NCBP2L: variants seen among roughly 807,000 people sequenced by gnomAD.
NCBP2L encodes the protein nuclear cap-binding protein subunit 2-like.
For synonymous variants in NCBP2L, 39 were observed against 19.2 expected (o/e 2.04, Z -2.70); for missense variants, 95 against 53.1 (o/e 1.79, Z -2.45).
Position 107,781,676 on chromosome X carries a change from A to ATC in NCBP2L, c.-73+3834_-73+3835dup, listed in dbSNP as rs1252852252. ...CATCTATCTATCTATCTATCTATCT[A>ATC]TCTCTCTCTCTCTCTCTATATATAT... On this transcript the variant is annotated intron_variant, in intron 1 of 1. Coordinates refer to ENST00000509000, the MANE Select transcript of NCBP2L (RefSeq NM_001348372.2). Among the ~76,000 whole-genome samples, 178 of 55,879 alleles carry ATC rather than the reference A, an allele frequency of 3.2e-3. 2 individuals are homozygous for ATC. The highest frequency in any genetic ancestry group is 4.1e-3 in the Non-Finnish European group (138 of 33,611). 48.5% of individuals were successfully genotyped at this position (55,879 alleles called of 115,157 possible). A position where few individuals can be genotyped will look rare whatever the true frequency, so the allele number is the denominator to read the frequency against.
chrX:107,786,519 G>A (rs1369718030), intron 1 of NCBP2L, among the ~76,000 whole-genome samples: 2 of 111,093 alleles, frequency 1.8e-5, no homozygotes, highest in Admixed American at 9.6e-5. Flanking sequence ...CTTTCCGGAG[G>A]CTCTCCAGAA....
intron 1 of NCBP2L, among the ~76,000 whole-genome samples, chrX:107,793,642 G>A (rs987899424): frequency 1.8e-5 from 2 of 111,890 alleles, no homozygotes; most frequent in African/African-American, 3.2e-5. Flanking sequence ...TTGTATATTT[G>A]ATGGTATATA....
chrX:107,781,690 C>CTA lies in NCBP2L; in HGVS notation c.-73+3833_-73+3834insAT, dbSNP rs1453303585. Among the ~76,000 whole-genome samples the CTA allele has an allele frequency of 3.7e-3, 275 of 74,217 alleles. 4 individuals carry two copies. Among genetic ancestry groups the CTA allele is most frequent in the Admixed American group, 8.4e-3 (58 of 6,926 alleles). 64.4% of individuals were successfully genotyped at this position (74,217 alleles called of 115,157 possible). ...TCTATCTATCTATCTCTCTCTCTCT[C>CTA]TCTATATATATATATATATAGATCT... is the stretch of plus-strand genomic sequence containing the variant. On this transcript the variant is annotated intron_variant, in intron 1 of 1. Coordinates refer to ENST00000509000, the MANE Select transcript of NCBP2L (RefSeq NM_001348372.2).
At chrX:107,788,090 G>C (rs550019874) in intron 1 of NCBP2L, among the ~76,000 whole-genome samples, 1 of 112,022 alleles carries the variant, frequency 8.9e-6, no homozygotes, top group East Asian at 2.8e-4. Context: ...AGTAGCAAGA[G>C]TCAAGGAAAG....
intron 1 of NCBP2L, among the ~76,000 whole-genome samples, chrX:107,785,794 G>T (rs771648684): frequency 3.6e-5 from 4 of 111,106 alleles, no homozygotes; most frequent in African/African-American, 1.3e-4. Context: ...GGCTACCAGG[G>T]TGTGGGAGTG....
At chrX:107,781,431 G>C (rs1224190956) in intron 1 of NCBP2L, among the ~76,000 whole-genome samples, 5 of 105,564 alleles carry the variant, frequency 4.7e-5, no homozygotes, top group African/African-American at 1.7e-4. Flanking sequence ...TCAGTGTCCC[G>C]AGTAGCTGGG....
At chrX:107,791,461 G>A (rs1209621696) in intron 1 of NCBP2L, among the ~76,000 whole-genome samples, 1 of 111,722 alleles carries the variant, frequency 9.0e-6, no homozygotes, top group Non-Finnish European at 1.9e-5. Context: ...GCCCAGGCTG[G>A]TCTTGAACTC....
rs749697881 is a variant in NCBP2L, at chrX:107,794,299, C to T, written c.79C>T (p.Arg27Cys). The T allele has an allele frequency of 1.2e-5, 7 of 567,656 alleles. No individual in the cohort carries two copies. The highest frequency in any genetic ancestry group is 4.5e-5 in the Admixed American group (2 of 44,848). The allele number at this position is 567,656 out of a possible 1,213,427, so 46.8% of individuals were successfully genotyped here. ...CTACCGGGACCATCAGTTCAGTGGC[C>T]GTAAATTTCAGCAGGAAAAATTACT... Reference protein sequence around the residue: ...SCYRDHQFSGRKFQQEKLLKE... With the variant: ...SCYRDHQFSGCKFQQEKLLKE... Residue 27 changes from arginine (R) to cysteine (C), a missense_variant, in exon 2 of 2, where the codon CGT becomes TGT. Physicochemically the swap from Arg to Cys is radical, Grantham distance 180 (BLOSUM62 -3). Transcript: ENST00000509000.
intron 1 of NCBP2L, among the ~76,000 whole-genome samples, chrX:107,782,181 A>T (rs745936125): frequency 3.3e-5 from 1 of 30,386 alleles, no homozygotes; most frequent in Non-Finnish European, 4.9e-5. Context: ...ATATATATAT[A>T]AATATATATA....
intron 1 of NCBP2L, among the ~76,000 whole-genome samples, chrX:107,783,654 T>C (rs1930358574): frequency 9.1e-6 from 1 of 109,825 alleles, no homozygotes; most frequent in South Asian, 3.9e-4. Flanking sequence ...ATTACAGACG[T>C]GAGCCACTGC....
intron 1 of NCBP2L, among the ~76,000 whole-genome samples, chrX:107,781,767 TCTATATATATAGATCTATAG>T (rs1930290381): frequency 2.2e-5 from 2 of 90,632 alleles, no homozygotes; most frequent in African/African-American, 9.0e-5. Context: ...TCTATAGATA[TCTATATATATAGATCTATAG>T]ATATCTATAT....
At chrX:107,784,970 C>A (rs1156377345) in intron 1 of NCBP2L, among the ~76,000 whole-genome samples, 1 of 99,894 alleles carries the variant, frequency 1.0e-5, no homozygotes, top group Non-Finnish European at 2.0e-5. Flanking sequence ...CAGAATGAGA[C>A]CTTGTCTCAA....
chrX:107,782,200 TATATATATAA>T lies in NCBP2L; in HGVS notation c.-73+4352_-73+4361del, dbSNP rs1309142323. On this transcript the variant is annotated intron_variant, in intron 1 of 1. Transcript: ENST00000509000. ...ATATATAAATATATATATATAAATA[TATATATATAA>T]ATATATATATAAATATATATATATA... Among the ~76,000 whole-genome samples, 35 of 20,534 alleles carry T rather than the reference TATATATATAA, an allele frequency of 1.7e-3. 1 individual carries two copies. Among genetic ancestry groups the T allele is most frequent in the African/African-American group, 4.5e-3 (24 of 5,389 alleles). The allele number at this position is 20,534 out of a possible 115,157, so 17.8% of individuals were successfully genotyped here.
chrX:107,792,341 CA>C (rs35382213), intron 1 of NCBP2L, among the ~76,000 whole-genome samples: 4,974 of 69,021 alleles, frequency 0.072, 312 homozygotes, highest in African/African-American at 0.2. Context: ...GTAACCAGAT[CA>C]AAAAAAAAAA....
chrX:107,783,759 C>T (rs1281827414), intron 1 of NCBP2L, among the ~76,000 whole-genome samples: 1 of 110,822 alleles, frequency 9.0e-6, no homozygotes, highest in Non-Finnish European at 1.9e-5. Context: ...TTAACATATA[C>T]ATCAACCTGT....
intron 1 of NCBP2L, among the ~76,000 whole-genome samples, chrX:107,793,126 AG>A (rs1930474397): frequency 8.9e-6 from 1 of 112,120 alleles, no homozygotes; most frequent in African/African-American, 3.2e-5. Flanking sequence ...TCTGGCAAGT[AG>A]AGTGCTTATT....
intron 1 of NCBP2L, among the ~76,000 whole-genome samples, chrX:107,786,991 A>G (rs1421335865): frequency 8.9e-6 from 1 of 112,083 alleles, no homozygotes; most frequent in African/African-American, 3.2e-5. Context: ...AAGGGAGAGA[A>G]GGAAGGAGGA....
intron 1 of NCBP2L, among the ~76,000 whole-genome samples, chrX:107,790,468 C>A (rs977104287): frequency 3.6e-5 from 4 of 110,837 alleles, no homozygotes; most frequent in Admixed American, 2.9e-4. Flanking sequence ...CCAAGCTGCT[C>A]CACAAGGCTT....
At chrX:107,785,339 A>G (rs893964254) in intron 1 of NCBP2L, among the ~76,000 whole-genome samples, 9 of 111,555 alleles carry the variant, frequency 8.1e-5, no homozygotes, top group African/African-American at 2.9e-4. Flanking sequence ...GTCCAACCCC[A>G]TCTCCCTACA....
Sources: allele counts gnomAD v4.1 joint callset (sites outside exome capture counted in the v4.1 genomes callset), GRCh38; gene constraint gnomAD v4.1.1; transcripts MANE v1.5; gene names NCBI Gene and HGNC (gene_info 2026-07-23, HGNC 2026-07-21).